Variants in TMED2 observed in about 807,000 individuals in gnomAD.
The protein encoded by TMED2 is transmembrane p24 trafficking protein 2.
A neutral mutation model predicts 17.5 loss-of-function variants in TMED2; 3 were observed. The ratio of observed to expected loss-of-function variants is 0.17; its 90% CI spans 0.08 to 0.44. The LOEUF (loss-of-function observed/expected upper bound fraction) is 0.44, where lower values mean the gene tolerates loss of function less well. TMED2 is among the 20% of genes least tolerant of loss of function. The pLI is 0.99. For synonymous variants in TMED2, 95 were observed against 91.0 expected, an observed-to-expected ratio of 1.04 and a Z score of -0.25; for missense variants, 149 against 254.8, an observed-to-expected ratio of 0.58 and a Z score of 2.83.
rs551531675 is a variant in TMED2, at chr12:123,596,573, T to G, written c.482-32T>G. The G allele has an allele frequency of 7.6e-6, 12 of 1,578,936 alleles. No individual in the cohort carries two copies. The South Asian group carries it at 1.3e-4, about 17-fold the overall frequency. ...CTATGTCTTTTTGGGGGAGAATTGT[T>G]AAATTTTGTTTGTTTGTTTTGTCCT... On this transcript the variant is annotated intron_variant, in intron 3 of 3. Coordinates refer to ENST00000262225, the MANE Select transcript of TMED2 (RefSeq NM_006815.4).
chr12:123,589,958 C>G (rs1953379161), intron 2 of TMED2, among the ~76,000 whole-genome samples: 1 of 150,426 alleles, frequency 6.6e-6, no homozygotes, highest in Non-Finnish European at 1.5e-5. Context: ...GTACTTGAGC[C>G]TGGGTGATAG....
At chr12:123,594,577 A>G (rs1261869577) in intron 3 of TMED2, among the ~76,000 whole-genome samples, 1 of 152,088 alleles carries the variant, frequency 6.6e-6, no homozygotes, top group African/African-American at 2.4e-5. Flanking sequence ...GGGCAACACG[A>G]GACCGTTTTT....
intron 2 of TMED2, among the ~76,000 whole-genome samples, chr12:123,588,816 C>T (rs1953370140): frequency 6.6e-6 from 1 of 152,152 alleles, no homozygotes; most frequent in Non-Finnish European, 1.5e-5. Flanking sequence ...GCATTTGGTC[C>T]AAAATGGAGA....
intron 3 of TMED2, among the ~76,000 whole-genome samples, chr12:123,594,669 C>T (rs564724822): frequency 6.7e-6 from 1 of 150,194 alleles, no homozygotes; most frequent in Non-Finnish European, 1.5e-5. Context: ...GGGTGGATCA[C>T]CTGAGGTCGG....
chr12:123,597,844 G>T lies in TMED2; in HGVS notation c.*1115G>T, dbSNP rs1593643000. 2 of 115,504 alleles carry T rather than the reference G, an allele frequency of 1.7e-5. No individual in the cohort carries two copies. The highest frequency in any genetic ancestry group is 3.6e-5 in the Non-Finnish European group (2 of 56,036). 7.2% of individuals were successfully genotyped at this position (115,504 alleles called of 1,614,324 possible). Reference sequence around the variant, plus strand: ...TGTGACTGATACATATTAGTTACTTGTGCTTTTTTTTTTTTTTTTGGATCT... The same window carrying T: ...TGTGACTGATACATATTAGTTACTTTTGCTTTTTTTTTTTTTTTTGGATCT... On this transcript the variant is annotated 3_prime_UTR_variant, in exon 4 of 4. Transcript: ENST00000262225.
intron 3 of TMED2, among the ~76,000 whole-genome samples, chr12:123,593,824 C>T (rs919705318): frequency 6.6e-6 from 1 of 151,970 alleles, no homozygotes; most frequent in East Asian, 1.9e-4. Flanking sequence ...GACACAGGGT[C>T]TTACTCTGTT....
At chr12:123,584,969 C>G in intron 1 of TMED2, 153 bp downstream of exon 1, 2 of 982,328 alleles carry the variant, frequency 2.0e-6, no homozygotes, top group Non-Finnish European at 2.9e-6. Context: ...CCGCCCCGCC[C>G]CGGCCACGGC....
intron 3 of TMED2, among the ~76,000 whole-genome samples, chr12:123,594,137 ATT>A (rs56102950): frequency 2.2e-4 from 32 of 142,976 alleles, no homozygotes; most frequent in African/African-American, 5.7e-4. Context: ...ACTACATAGA[ATT>A]TTTTTTTTTT....
chr12:123,588,702 A>T (rs1050151690), intron 2 of TMED2, among the ~76,000 whole-genome samples: 3 of 152,184 alleles, frequency 2.0e-5, no homozygotes, highest in African/African-American at 7.2e-5. Context: ...GGTATTTTTT[A>T]TTCGGAAGAC....
In TMED2 at chr12:123,597,693, C is replaced by G. The variant is rs6551; in HGVS notation, c.*964C>G. 1 of 152,354 alleles carries G rather than the reference C, an allele frequency of 6.6e-6. No individual in the cohort carries two copies. The highest frequency in any genetic ancestry group is 1.5e-5 in the Non-Finnish European group (1 of 67,982). The allele number at this position is 152,354 out of a possible 1,614,324, so 9.4% of individuals were successfully genotyped here. A position where few individuals can be genotyped will look rare whatever the true frequency, so the allele number is the denominator to read the frequency against. ...GTTTTGGTTTTTGTTTCTTTTGGGT[C>G]TTTCTTTTTTGGCACATGTGAATCT... is the stretch of plus-strand genomic sequence containing the variant. On this transcript the variant is annotated 3_prime_UTR_variant, in exon 4 of 4. Coordinates refer to ENST00000262225, the MANE Select transcript of TMED2 (RefSeq NM_006815.4).
chr12:123,588,787 C>T (rs1397108631), intron 2 of TMED2, among the ~76,000 whole-genome samples: 2 of 152,110 alleles, frequency 1.3e-5, no homozygotes, highest in Admixed American at 6.5e-5. Flanking sequence ...CATCAGATAG[C>T]GCCCCACAGC....
intron 3 of TMED2, among the ~76,000 whole-genome samples, chr12:123,591,449 G>A (rs1384236825): frequency 1.3e-5 from 2 of 152,188 alleles, no homozygotes; most frequent in Non-Finnish European, 2.9e-5. Context: ...CCACACCATT[G>A]TTCAGTGTTT....
At position 123,584,714 on chromosome 12, in the gene TMED2, C is replaced by T. The variant is rs1886304470; in HGVS notation, c.78C>T (p.Asp26=). The change falls in exon 1 of 4, where the codon GAC becomes GAT. Residue 26 remains aspartate, a synonymous_variant. Transcript: ENST00000262225. ...TCTCGGGCTATTTCGTTAGCATCGA[C>T]GCCCATGCTGAAGAGTGCTTCTTTG... ...ATVSGYFVSI[D]AHAEECFFER... 1.2e-6 allele frequency: 2 copies of T among 1,613,902 alleles called. No homozygotes were observed. The highest frequency in any genetic ancestry group is 1.7e-6 in the Non-Finnish European group (2 of 1,179,922).
At chr12:123,596,547 C>T (rs16917551) in intron 3 of TMED2, 58 bp from the exon 4 acceptor site, 376,753 of 1,557,464 alleles carry the variant, frequency 0.24, 48,477 homozygotes, top group South Asian at 0.27. Context: ...ATTTATGATG[C>T]CTATGTCTTT....
chr12:123,585,053 G>A, intron 1 of TMED2: 1 of 512,098 alleles, frequency 2.0e-6, no homozygotes, highest in East Asian at 3.5e-5. Flanking sequence ...CGGCATGCTT[G>A]GTTGCTTTGG....
In TMED2 at chr12:123,590,575, G is replaced by T. The variant is rs918867939; in HGVS notation, c.481+126G>T. 4.8e-6 allele frequency: 3 copies of T among 621,696 alleles called. No individual in the cohort carries two copies. In the South Asian group the frequency reaches 6.1e-5, roughly 13 times the overall value. The allele number at this position is 621,696 out of a possible 1,614,324, so 38.5% of individuals were successfully genotyped here. ...ATGTGAAAGCATTGACTTTAAAAGTGTACCTACACGAGATATTTTTTGAGC... is the reference window on the plus strand; with the variant it reads ...ATGTGAAAGCATTGACTTTAAAAGTTTACCTACACGAGATATTTTTTGAGC... On this transcript the variant is annotated intron_variant, in intron 3 of 3. Transcript: ENST00000262225.
intron 3 of TMED2, among the ~76,000 whole-genome samples, chr12:123,593,583 T>C (rs1272647316): frequency 6.6e-6 from 1 of 152,226 alleles, no homozygotes; most frequent in Non-Finnish European, 1.5e-5. Context: ...AATTATGACC[T>C]TGGGCAAGTC....
At position 123,598,549 on chromosome 12, in the gene TMED2, C is replaced by A. The variant is rs368429125; in HGVS notation, c.*1820C>A. ...TGTTCTTCCTCTGTGAAACTAACGGCCTGCTGGTAATAAAAGTAGCTACCA... is the reference window on the plus strand; with the variant it reads ...TGTTCTTCCTCTGTGAAACTAACGGACTGCTGGTAATAAAAGTAGCTACCA... On this transcript the variant is annotated 3_prime_UTR_variant, in exon 4 of 4. Coordinates refer to ENST00000262225, the MANE Select transcript of TMED2 (RefSeq NM_006815.4). The A allele has an allele frequency of 2.0e-5, 3 of 152,248 alleles. No homozygotes were observed. In the East Asian group the frequency reaches 5.8e-4, roughly 29 times the overall value. The allele number at this position is 152,248 out of a possible 1,614,324, so 9.4% of individuals were successfully genotyped here.
intron 3 of TMED2, among the ~76,000 whole-genome samples, chr12:123,594,199 A>G (rs1022528174): frequency 6.6e-6 from 1 of 151,624 alleles, no homozygotes; most frequent in African/African-American, 2.4e-5. Context: ...CAGTGGTGCA[A>G]ACTCGGCTCA....
Sources: gnomAD v4.1 joint callset for allele counts (sites outside exome capture counted in the v4.1 genomes callset) on GRCh38, gnomAD v4.1.1 for gene constraint, MANE v1.5 for transcripts, NCBI Gene and HGNC (gene_info 2026-07-23, HGNC 2026-07-21) for gene names.